RBBP8NL: variants seen among roughly 807,000 people sequenced by gnomAD.
RBBP8NL encodes the protein RBBP8 N-terminal like.
A neutral mutation model predicts 62.2 loss-of-function variants in RBBP8NL; 59 were observed. The ratio of observed to expected loss-of-function variants is 0.95; its 90% CI spans 0.77 to 1.18. The LOEUF (loss-of-function observed/expected upper bound fraction) is 1.18. Among genes scored for constraint, RBBP8NL ranks in the 50% most tolerant of loss-of-function variants. The probability of loss-of-function intolerance (pLI) is 0.00; values close to 1 mark genes in which losing one functional copy is unlikely to be tolerated. For synonymous variants in RBBP8NL, 412 were observed against 394.1 expected (o/e 1.05, Z -0.54); for missense variants, 896 against 899.5 (o/e 1.00, Z 0.05).
rs147008016 is a variant in RBBP8NL, at chr20:62,412,646, C to A, written c.1854G>T (p.Arg618=). The A allele has an allele frequency of 1.5e-5, 24 of 1,606,118 alleles. No homozygotes were observed. Among genetic ancestry groups the A allele is most frequent in the Non-Finnish European group, 2.0e-5 (24 of 1,179,908 alleles). ...HGQGPPRKRK[R]ASEPGDKASK... ...TACCTTTGTCCCCAGGCTCCGAGGC[C>A]CGCTTCCTCTTCCGTGGTGGACCCT... The change falls in exon 13 of 14, where the codon CGG becomes CGT. Residue 618 remains arginine (R), a synonymous_variant. Coordinates refer to ENST00000252998, the MANE Select transcript of RBBP8NL (RefSeq NM_080833.3).
chr20:62,418,378 C>A, intron 3 of RBBP8NL, 45 bp downstream of exon 3: 3 of 1,531,408 alleles, frequency 2.0e-6, no homozygotes, highest in Non-Finnish European at 2.7e-6. Flanking sequence ...GATGAAGTGG[C>A]CAGTGTGGTC....
chr20:62,412,763 A>AG lies in RBBP8NL; in HGVS notation c.1747-11dup. ...GGGAGCTCAGGCCCACCTGGGGAGA[A>AG]GGGGGTGTGGTCACGAGGAGGACTG... On this transcript the variant is annotated splice_polypyrimidine_tract_variant and intron_variant, in intron 12 of 13. Transcript: ENST00000252998. The AG allele has an allele frequency of 1.2e-6, 2 of 1,612,720 alleles. No homozygotes were observed. Among genetic ancestry groups the AG allele is most frequent in the South Asian group, 2.2e-5 (2 of 91,078 alleles).
At position 62,412,866 on chromosome 20, in the gene RBBP8NL, G is replaced by A. The variant is rs375056714; in HGVS notation, c.1710C>T (p.Ser570=). The A allele has an allele frequency of 1.5e-5, 25 of 1,613,364 alleles. No homozygotes were observed. In the East Asian group the frequency reaches 4.5e-4, roughly 29 times the overall value. The stretch of plus-strand genomic sequence containing the variant: ...GGGTGTCTGTCTCATCCAGTTCGTC[G>A]GACTCTGGTCTCAGCACTTCAGCCT... ...PSKAEVLRPE[S]DELDETDTPG... is the part of the protein sequence containing the mutation. Residue 570 remains serine, a synonymous_variant, in exon 12 of 14, where the codon TCC becomes TCT. Coordinates refer to ENST00000252998, the MANE Select transcript of RBBP8NL (RefSeq NM_080833.3).
chr20:62,425,877 AGCAGTG>A lies in RBBP8NL; in HGVS notation c.-84+1577_-84+1582del, dbSNP rs200980736. 5.5e-3 allele frequency among the ~76,000 whole-genome samples: 837 copies of A among 152,352 alleles called. 9 individuals are homozygous for A. The highest frequency in any genetic ancestry group is 0.019 in the African/African-American group (786 of 41,574). On this transcript the variant is annotated intron_variant, in intron 1 of 13. Transcript: ENST00000252998. ...GAGCAACGGTGATGGCCACAGCAGTAGCAGTGGCAGTGGCAGTGGCATAGCAGTGGC... is the reference window on the plus strand; with the variant it reads ...GAGCAACGGTGATGGCCACAGCAGTAGCAGTGGCAGTGGCATAGCAGTGGC...
intron 2 of RBBP8NL, 85 bp downstream of exon 2, chr20:62,419,501 CA>C (rs1332682891): frequency 1.8e-5 from 25 of 1,401,412 alleles, no homozygotes; most frequent in Non-Finnish European, 2.4e-5. Flanking sequence ...TGGAGGTGAT[CA>C]TGGGTGCACA....
Position 62,414,458 on chromosome 20 carries a change from A to T in RBBP8NL, c.893T>A (p.Leu298Gln). The change falls in exon 10 of 14, where the codon CTG becomes CAG. Residue 298 changes from leucine to glutamine, a missense_variant. Leu to Gln is a moderately radical substitution (Grantham distance 113, BLOSUM62 -2). Coordinates refer to ENST00000252998, the MANE Select transcript of RBBP8NL (RefSeq NM_080833.3). The stretch of plus-strand genomic sequence containing the variant: ...GCTGCTGTGGGGGCTCTGAAGGTGC[A>T]GGGACAGGGGGCGGTTTAGGAGGCA... ...RLCLLNRPLSLHLQSPHSSPL... is the reference protein window; with the variant it reads ...RLCLLNRPLSQHLQSPHSSPL... 6.7e-7 allele frequency: 1 copy of T among 1,492,812 alleles called. No individual in the cohort carries two copies. The highest frequency in any genetic ancestry group is 1.4e-5 in the African/African-American group (1 of 72,038). The allele number at this position is 1,492,812 out of a possible 1,614,324, so 92.5% of individuals were successfully genotyped here.
Position 62,412,716 on chromosome 20 carries a change from G to A in RBBP8NL, c.1784C>T (p.Thr595Met), listed in dbSNP as rs760637258. Residue 595 changes from threonine to methionine, a missense_variant, in exon 13 of 14, where the codon ACG (threonine) becomes ATG (methionine). By Grantham distance (81) the Thr-to-Met change is moderately conservative. Coordinates refer to ENST00000252998, the MANE Select transcript of RBBP8NL (RefSeq NM_080833.3). ...LSSQAEATTS[T>M]TGEGPECICT... ...GATGCACTCAGGCCCCTCCCCGGTC[G>A]TGCTCGTAGTGGCCTCCGCCTGGGA... 27 of 1,610,910 alleles carry A rather than the reference G, an allele frequency of 1.7e-5. No individual in the cohort carries two copies. Among genetic ancestry groups the A allele is most frequent in the Admixed American group, 5.0e-5 (3 of 60,010 alleles).
intron 5 of RBBP8NL, 48 bp downstream of exon 5, chr20:62,416,712 C>T: frequency 7.3e-7 from 1 of 1,376,252 alleles, no homozygotes; most frequent in Non-Finnish European, 1.0e-6. Context: ...CCTGGGGTCG[C>T]CTGGCCCCGT....
In RBBP8NL at chr20:62,412,750, C is replaced by A. The variant is rs1280199260; in HGVS notation, c.1750G>T (p.Gly584Cys). 7.4e-6 allele frequency: 12 copies of A among 1,612,500 alleles called. No individual in the cohort carries two copies. The highest frequency in any genetic ancestry group is 1.0e-5 in the Non-Finnish European group (12 of 1,179,974). ...DETDTPGSEVGLSSQAEATTS... is the reference protein window; with the variant it reads ...DETDTPGSEVCLSSQAEATTS... Reference sequence around the variant, plus strand: ...GTGGCCTCCGCCTGGGAGCTCAGGCCCACCTGGGGAGAAGGGGGTGTGGTC... The same window carrying A: ...GTGGCCTCCGCCTGGGAGCTCAGGCACACCTGGGGAGAAGGGGGTGTGGTC... The change falls in exon 13 of 14, where the codon GGC (glycine) becomes TGC (cysteine). Residue 584 changes from glycine (G) to cysteine (C), a missense_variant. Gly to Cys is a radical substitution (Grantham distance 159, BLOSUM62 -3). Transcript: ENST00000252998.
At chr20:62,412,947 A>G (rs371393563) in intron 11 of RBBP8NL, 47 bp from the exon 12 acceptor site, 1 of 1,600,308 alleles carries the variant, frequency 6.2e-7, no homozygotes, top group Non-Finnish European at 8.5e-7. Context: ...TGGCACCGGG[A>G]GTCTCCCGAG....
At chr20:62,419,461 A>T in intron 2 of RBBP8NL, 126 bp downstream of exon 2, 1 of 1,002,114 alleles carries the variant, frequency 1.0e-6, no homozygotes, top group Non-Finnish European at 1.5e-6. Context: ...GGCCAAAAAG[A>T]CGGGGTCCAT....
At position 62,418,501 on chromosome 20, in the gene RBBP8NL, C is replaced by T. The variant is rs112902327; in HGVS notation, c.62-36G>A. On this transcript the variant is annotated intron_variant, in intron 2 of 13. Transcript: ENST00000252998. ...AAGCAGAGGGGCGGGGGGTCAGGCC[C>T]AGCTGCTGCTTCACCTTCAGTGTCC... The T allele has an allele frequency of 1.0e-5, 16 of 1,537,140 alleles. 1 individual carries two copies. The African/African-American group carries it at 1.2e-4, about 12-fold the overall frequency.
intron 1 of RBBP8NL, among the ~76,000 whole-genome samples, chr20:62,424,505 A>G (rs879930583): frequency 3.9e-5 from 6 of 152,214 alleles, no homozygotes; most frequent in Admixed American, 3.9e-4. Context: ...TGGTGCCAGC[A>G]CCTTTGCCTT....
At chr20:62,411,255 C>T (rs1381444923) in intron 13 of RBBP8NL, among the ~76,000 whole-genome samples, 1 of 152,248 alleles carries the variant, frequency 6.6e-6, no homozygotes, top group Non-Finnish European at 1.5e-5. Context: ...ACCCCAGTGG[C>T]CCCCTTCCTG....
chr20:62,424,885 C>T (rs1336912142), intron 1 of RBBP8NL, among the ~76,000 whole-genome samples: 5 of 151,926 alleles, frequency 3.3e-5, no homozygotes. Flanking sequence ...GAGGGTGCAC[C>T]CCCCCCACCC....
chr20:62,422,398 G>A (rs964307619), intron 1 of RBBP8NL, among the ~76,000 whole-genome samples: 1 of 151,568 alleles, frequency 6.6e-6, no homozygotes, highest in African/African-American at 2.4e-5. Context: ...GCTTGAGGGT[G>A]CATTGAACAC....
At chr20:62,424,183 C>T (rs771925832) in intron 1 of RBBP8NL, among the ~76,000 whole-genome samples, 26 of 151,166 alleles carry the variant, frequency 1.7e-4, no homozygotes, top group Non-Finnish European at 2.7e-4. Flanking sequence ...CCCTCCCACT[C>T]GGGAGTCCAG....
intron 4 of RBBP8NL, 109 bp from the exon 5 acceptor site, chr20:62,416,981 T>G: frequency 1.2e-6 from 1 of 866,018 alleles, no homozygotes; most frequent in African/African-American, 1.7e-5. Flanking sequence ...TTGCAAACTA[T>G]TCCGTAGAGC....
chr20:62,424,148 C>G (rs1353773904), intron 1 of RBBP8NL, among the ~76,000 whole-genome samples: 2 of 151,890 alleles, frequency 1.3e-5, no homozygotes, highest in African/African-American at 4.8e-5. Flanking sequence ...CAGGGTCACC[C>G]TCAGCCACTC....
Sources: allele counts gnomAD v4.1 joint callset (sites outside exome capture counted in the v4.1 genomes callset), GRCh38; gene constraint gnomAD v4.1.1; transcripts MANE v1.5; gene names NCBI Gene and HGNC (gene_info 2026-07-23, HGNC 2026-07-21).